Variants in SCGN observed in about 807,000 individuals in gnomAD.
The protein encoded by SCGN is secretagogin.
A neutral mutation model predicts 39.7 loss-of-function variants in SCGN; 30 were observed. That is an observed-to-expected ratio of 0.76 (90% CI 0.57 to 1.03). The LOEUF is 1.03. SCGN is among the 50% of genes least tolerant of loss of function. The pLI is 0.00. For synonymous variants in SCGN, 106 were observed against 114.1 expected (o/e 0.93, Z 0.45); for missense variants, 353 against 349.4 (o/e 1.01, Z -0.08).
chr6:25,654,152 A>G (rs1760184862), intron 2 of SCGN, among the ~76,000 whole-genome samples: 1 of 152,240 alleles, frequency 6.6e-6, no homozygotes, highest in Non-Finnish European at 1.5e-5. Context: ...GGGCATTCAT[A>G]GTAGAAGGAG....
At chr6:25,699,875 A>T (rs1353899500) in intron 10 of SCGN, among the ~76,000 whole-genome samples, 1 of 152,078 alleles carries the variant, frequency 6.6e-6, no homozygotes, top group African/African-American at 2.4e-5. Context: ...CCTAAAAAGA[A>T]AAAGGTGCTG....
chr6:25,676,494 G>A (rs946307212), intron 6 of SCGN, among the ~76,000 whole-genome samples: 2 of 152,192 alleles, frequency 1.3e-5, no homozygotes, highest in South Asian at 2.1e-4. Context: ...TGACATGCAT[G>A]TATGTGCTGC....
chr6:25,680,187 T>C (rs1290548369), intron 6 of SCGN, among the ~76,000 whole-genome samples: 1 of 152,220 alleles, frequency 6.6e-6, no homozygotes, highest in Admixed American at 6.5e-5. Flanking sequence ...TGCCAAGCAT[T>C]CAAAATTCAC....
At chr6:25,665,172 C>A in intron 4 of SCGN, 140 bp downstream of exon 4, 1 of 623,020 alleles carries the variant, frequency 1.6e-6, no homozygotes, top group South Asian at 2.1e-5. Flanking sequence ...GCAAAAAATG[C>A]CTTAGTGATG....
In SCGN at chr6:25,701,261, T is replaced by C. The variant is rs746933755; in HGVS notation, c.757T>C (p.Cys253Arg). ...DKFREILLRH[C>R]DVNKDGKIQK... is the part of the protein sequence containing the mutation. ...GTTCCGCGAGATTCTCCTGCGTCACTGCGACGTGAACAAGGATGGAAAAAT... is the reference window on the plus strand; with the variant it reads ...GTTCCGCGAGATTCTCCTGCGTCACCGCGACGTGAACAAGGATGGAAAAAT... Residue 253 changes from cysteine to arginine, a missense_variant, in exon 11 of 11, where the codon TGC becomes CGC. By Grantham distance (180) the Cys-to-Arg change is radical. Transcript: ENST00000377961. The C allele has an allele frequency of 2.5e-6, 4 of 1,613,836 alleles. No individual in the cohort carries two copies.
chr6:25,673,049 T>G (rs1252803006), intron 6 of SCGN, among the ~76,000 whole-genome samples: 1 of 152,158 alleles, frequency 6.6e-6, no homozygotes, highest in Non-Finnish European at 1.5e-5. Context: ...AGTAGTAGCC[T>G]ACTTAATGCA....
intron 7 of SCGN, among the ~76,000 whole-genome samples, chr6:25,687,731 ATT>A (rs1211914182): frequency 1.3e-5 from 2 of 151,972 alleles, no homozygotes; most frequent in Non-Finnish European, 2.9e-5. Context: ...TATATTTGCT[ATT>A]TGTTTCTCTT....
chr6:25,682,134 C>A lies in SCGN; in HGVS notation c.527+128C>A. 4.5e-6 allele frequency: 3 copies of A among 660,772 alleles called. 1 individual carries two copies. The highest frequency in any genetic ancestry group is 5.4e-5 in the East Asian group (2 of 36,956). 40.9% of individuals were successfully genotyped at this position (660,772 alleles called of 1,614,324 possible). A position where few individuals can be genotyped will look rare whatever the true frequency, so the allele number is the denominator to read the frequency against. Reference sequence around the variant, plus strand: ...AGTCTAAAAGAATAGGCACATCTTACCAATAAGCTGAGTGATTCTAAATCT... The same window carrying A: ...AGTCTAAAAGAATAGGCACATCTTAACAATAAGCTGAGTGATTCTAAATCT... On this transcript the variant is annotated intron_variant, in intron 7 of 10. Transcript: ENST00000377961.
Position 25,653,465 on chromosome 6 carries a change from A to G in SCGN, c.153+13A>G, listed in dbSNP as rs1466865674. The G allele has an allele frequency of 1.3e-6, 2 of 1,598,260 alleles. No homozygotes were observed. ...ACTGGGTACTGATGTAAGTACTTGC[A>G]CACTAAGCCTTAATTTATGCCTCTT... On this transcript the variant is annotated intron_variant, in intron 2 of 10. Coordinates refer to ENST00000377961, the MANE Select transcript of SCGN (RefSeq NM_006998.4).
intron 4 of SCGN, among the ~76,000 whole-genome samples, chr6:25,666,359 A>G (rs1760425436): frequency 6.6e-6 from 1 of 152,120 alleles, no homozygotes; most frequent in Non-Finnish European, 1.5e-5. Flanking sequence ...CGGTCTCAAA[A>G]AAAAACAAAA....
chr6:25,693,451 C>CAAAAAAAAAAAAAAAAAAAAAAAAAAAAA lies in SCGN; in HGVS notation c.702+2352_702+2353insAAAAAAAAAAAAAAAAAAAAAAAAAAAAA, dbSNP rs11376402. Among the ~76,000 whole-genome samples, 3 of 48,426 alleles carry CAAAAAAAAAAAAAAAAAAAAAAAAAAAAA rather than the reference C, an allele frequency of 6.2e-5. 1 individual carries two copies. Among genetic ancestry groups the CAAAAAAAAAAAAAAAAAAAAAAAAAAAAA allele is most frequent in the Non-Finnish European group, 1.1e-4 (3 of 26,730 alleles). 31.8% of individuals were successfully genotyped at this position (48,426 alleles called of 152,430 possible). On this transcript the variant is annotated intron_variant, in intron 10 of 10. Coordinates refer to ENST00000377961, the MANE Select transcript of SCGN (RefSeq NM_006998.4). The stretch of plus-strand genomic sequence containing the variant: ...TGGGCAACAGAGCGAGACTCCGTCT[C>CAAAAAAAAAAAAAAAAAAAAAAAAAAAAA]AAAAAAAAAAAAAAAAAAAAAAAAA...
In SCGN at chr6:25,652,468, A is replaced by G; in HGVS notation, c.65A>G (p.Gln22Arg). Residue 22 changes from glutamine (Q) to arginine (R), a missense_variant, in exon 1 of 11, where the codon CAG (glutamine) becomes CGG (arginine). Gln to Arg is a conservative substitution (Grantham distance 43). Transcript: ENST00000377961. ...LDAAGFWQVW[Q>R]RFDADEKGYI... Reference sequence around the variant, plus strand: ...GCCGCTGGCTTCTGGCAGGTCTGGCAGCGCTTTGATGCGGATGGTGAGTAG... The same window carrying G: ...GCCGCTGGCTTCTGGCAGGTCTGGCGGCGCTTTGATGCGGATGGTGAGTAG... 1.2e-6 allele frequency: 2 copies of G among 1,614,078 alleles called. No individual in the cohort carries two copies. The highest frequency in any genetic ancestry group is 8.5e-7 in the Non-Finnish European group (1 of 1,180,008).
chr6:25,689,632 G>T, intron 9 of SCGN, 100 bp downstream of exon 9: 1 of 904,812 alleles, frequency 1.1e-6, no homozygotes, highest in Non-Finnish European at 1.8e-6. Context: ...AAACTTACAT[G>T]ATGAATACCA....
chr6:25,664,788 C>T (rs1760398460), intron 3 of SCGN, among the ~76,000 whole-genome samples, 155 bp from the exon 4 acceptor site: 1 of 152,088 alleles, frequency 6.6e-6, no homozygotes, highest in Non-Finnish European at 1.5e-5. Context: ...CAAAGAATGT[C>T]AATCAAGAGC....
At chr6:25,662,973 A>G (rs1760362623) in intron 3 of SCGN, among the ~76,000 whole-genome samples, 1 of 152,248 alleles carries the variant, frequency 6.6e-6, no homozygotes, top group African/African-American at 2.4e-5. Flanking sequence ...ATAGCAAATA[A>G]CTGAAAACTA....
intron 3 of SCGN, among the ~76,000 whole-genome samples, chr6:25,663,384 G>T (rs1319977108): frequency 6.6e-6 from 1 of 152,140 alleles, no homozygotes; most frequent in African/African-American, 2.4e-5. Context: ...CAATATGGTG[G>T]AATATGAAAC....
chr6:25,655,858 G>T (rs1464807100), intron 2 of SCGN, among the ~76,000 whole-genome samples: 2 of 152,070 alleles, frequency 1.3e-5, no homozygotes, highest in African/African-American at 4.8e-5. Context: ...CTGAGCTGTG[G>T]CAATAGCCTC....
intron 7 of SCGN, among the ~76,000 whole-genome samples, chr6:25,687,602 A>C (rs959309455): frequency 2.6e-5 from 4 of 152,142 alleles, no homozygotes; most frequent in African/African-American, 7.2e-5. Context: ...GATTTTCTAT[A>C]TACAATATTG....
At chr6:25,692,745 A>G (rs771344940) in intron 10 of SCGN, among the ~76,000 whole-genome samples, 6 of 152,140 alleles carry the variant, frequency 3.9e-5, no homozygotes, top group Non-Finnish European at 7.3e-5. Context: ...GAATCAGAAT[A>G]CATCCGATTT....
Sources: allele counts gnomAD v4.1 joint callset (sites outside exome capture counted in the v4.1 genomes callset), GRCh38; gene constraint gnomAD v4.1.1; transcripts MANE v1.5; gene names NCBI Gene and HGNC (gene_info 2026-07-23, HGNC 2026-07-21).